The following TRERF1 variants were observed in gnomAD, a reference collection of about 807,000 sequenced individuals.
TRERF1 encodes transcriptional-regulating factor 1.
TRERF1 carries 27 observed loss-of-function variants against 122.9 expected under a neutral mutation model. That is an observed-to-expected ratio of 0.22 (90% CI 0.16 to 0.30). The LOEUF is 0.30. Ranked by LOEUF, TRERF1 falls within the 10% of genes least tolerant of loss-of-function variation. TRERF1 has a pLI of 1.00. For synonymous variants in TRERF1, 636 were observed against 641.7 expected (o/e 0.99, Z 0.13); for missense variants, 1,248 against 1,560.3 (o/e 0.80, Z 3.37).
At chr6:42,279,453 A>C (rs1781893294) in intron 4 of TRERF1, among the ~76,000 whole-genome samples, 1 of 152,190 alleles carries the variant, frequency 6.6e-6, no homozygotes, top group Admixed American at 6.5e-5. Flanking sequence ...GCCCCAGCGA[A>C]AGTGGGAATA....
rs114081636 is a variant in TRERF1, at chr6:42,276,266, G to A, written c.-258-6418C>T. ...ACCAGGAGAGGAAGTTGACTTTGGC[G>A]GAGGTCTCCGCAGGACTTGTTTGCT... On this transcript the variant is annotated intron_variant, in intron 4 of 17. Coordinates refer to ENST00000372922, the Ensembl canonical transcript of TRERF1. This position sits in a 1 kb window ranked among gnomAD's most constrained non-coding sequence, Gnocchi z 4.3. Among the ~76,000 whole-genome samples the A allele has an allele frequency of 6.1e-3, 934 of 152,352 alleles. 7 individuals are homozygous for A. The highest frequency in any genetic ancestry group is 0.022 in the African/African-American group (899 of 41,576).
intron 3 of TRERF1, among the ~76,000 whole-genome samples, chr6:42,301,824 T>C (rs942384): frequency 0.23 from 35,609 of 152,168 alleles, 4,275 homozygotes; most frequent in East Asian, 0.32. Context: ...ATTGCACACC[T>C]TTCCTAAGAT....
At chr6:42,359,046 C>T (rs779382748) in intron 3 of TRERF1, among the ~76,000 whole-genome samples, 9 of 152,182 alleles carry the variant, frequency 5.9e-5, no homozygotes, top group Non-Finnish European at 8.8e-5. Context: ...TCTCCTGCTG[C>T]ACCCTACATG....
chr6:42,269,886 T>G lies in TRERF1; in HGVS notation c.-258-38A>C, dbSNP rs191764332. On this transcript the variant is annotated intron_variant, in intron 4 of 17. Coordinates refer to ENST00000372922, the Ensembl canonical transcript of TRERF1. This position sits in a 1 kb window ranked among gnomAD's most constrained non-coding sequence, Gnocchi z 4.9. ...ATGCAAAAGACAGGAAAGGATTTAT[T>G]TGGATGTTTTGTGATGAGCAATTGA... The G allele has an allele frequency of 2.1e-6, 1 of 475,078 alleles. No homozygotes were observed. Among genetic ancestry groups the G allele is most frequent in the African/African-American group, 2.0e-5 (1 of 50,960 alleles). The allele number at this position is 475,078 out of a possible 1,614,324, so 29.4% of individuals were successfully genotyped here.
chr6:42,343,788 A>T (rs1284151086), intron 3 of TRERF1, among the ~76,000 whole-genome samples: 1 of 152,232 alleles, frequency 6.6e-6, no homozygotes, highest in East Asian at 1.9e-4. Context: ...CAAAGTCAGA[A>T]ATGTAAAACT....
chr6:42,403,697 T>C (rs770154585), intron 2 of TRERF1, among the ~76,000 whole-genome samples: 26 of 152,140 alleles, frequency 1.7e-4, no homozygotes, highest in Non-Finnish European at 4.4e-5. Context: ...GCTGTGCACA[T>C]TGTGTTAAGG....
At chr6:42,266,215 G>T (rs1470476059) in intron 5 of TRERF1, among the ~76,000 whole-genome samples, 5 of 149,368 alleles carry the variant, frequency 3.3e-5, no homozygotes, top group Non-Finnish European at 7.4e-5. Context: ...TTGAGACAGG[G>T]TCTTGCTCTG....
chr6:42,408,130 G>A (rs1011612899), intron 2 of TRERF1, among the ~76,000 whole-genome samples: 7 of 150,940 alleles, frequency 4.6e-5, no homozygotes, highest in African/African-American at 1.7e-4. Context: ...CATCAGTTCT[G>A]TGCTTAACTT....
intron 13 of TRERF1, among the ~76,000 whole-genome samples, chr6:42,247,580 G>A (rs1236423664): frequency 6.6e-6 from 1 of 152,184 alleles, no homozygotes; most frequent in Non-Finnish European, 1.5e-5. Context: ...CAGATTTGCC[G>A]ACCGAAGAGG....
In TRERF1 at chr6:42,240,087, C is replaced by T. The variant is rs575998603; in HGVS notation, c.2859+3161G>A. Reference sequence around the variant, plus strand: ...ACCCATCTTCGAAGCCCAGGCAGTCCGAGACGGTGCCTCTGCCTTGTGTGG... The same window carrying T: ...ACCCATCTTCGAAGCCCAGGCAGTCTGAGACGGTGCCTCTGCCTTGTGTGG... On this transcript the variant is annotated intron_variant, in intron 15 of 17. Transcript: ENST00000372922. Among the ~76,000 whole-genome samples the T allele has an allele frequency of 2.0e-3, 298 of 152,264 alleles. 1 individual carries two copies. The highest frequency in any genetic ancestry group is 6.5e-3 in the African/African-American group (270 of 41,554).
chr6:42,401,108 G>T lies in TRERF1; in HGVS notation c.-453-38029C>A, dbSNP rs770893093. 5.3e-5 allele frequency among the ~76,000 whole-genome samples: 8 copies of T among 152,342 alleles called. No individual in the cohort carries two copies. In the South Asian group the frequency reaches 6.2e-4, roughly 12 times the overall value. On this transcript the variant is annotated intron_variant, in intron 2 of 17. Transcript: ENST00000372922. ...CAATCATTTGAGAAGCCTTTGAAGA[G>T]GAGGGCACAGGCCACAGAGGGTGGG...
intron 3 of TRERF1, among the ~76,000 whole-genome samples, chr6:42,353,529 A>C (rs531854248): frequency 1.1e-3 from 166 of 152,258 alleles, no homozygotes; most frequent in South Asian, 2.3e-3. Flanking sequence ...TGGAGGCTGC[A>C]GTGAACCAAT....
At chr6:42,334,865 G>C (rs1017155152) in intron 3 of TRERF1, among the ~76,000 whole-genome samples, 2 of 152,250 alleles carry the variant, frequency 1.3e-5, no homozygotes, top group African/African-American at 4.8e-5. Flanking sequence ...ATCGGGGACA[G>C]GAATCAGCAC....
intron 2 of TRERF1, among the ~76,000 whole-genome samples, chr6:42,405,742 T>C (rs1216579721): frequency 6.6e-6 from 1 of 150,426 alleles, no homozygotes; most frequent in Non-Finnish European, 1.5e-5. Flanking sequence ...TTGCAGTGAG[T>C]TGCGATCACA....
intron 3 of TRERF1, among the ~76,000 whole-genome samples, chr6:42,305,995 C>CTTTTTTTTTTTTT (rs55700516): frequency 1.0e-4 from 7 of 69,470 alleles, no homozygotes; most frequent in Non-Finnish European, 1.5e-4. Flanking sequence ...AATATCTCTC[C>CTTTTTTTTTTTTT]TTTTTTTTTT....
At position 42,246,353 on chromosome 6, in the gene TRERF1, T is replaced by C. The variant is rs555914826; in HGVS notation, c.2745+103A>G. On this transcript the variant is annotated intron_variant, in intron 14 of 17. Coordinates refer to ENST00000372922, the Ensembl canonical transcript of TRERF1. ...TCACCAGCGAGTGTGGAAGACATCCTTTTTGTAAGTATCTTAAACCAGTAT... is the reference window on the plus strand; with the variant it reads ...TCACCAGCGAGTGTGGAAGACATCCCTTTTGTAAGTATCTTAAACCAGTAT... 1.1e-5 allele frequency: 10 copies of C among 921,814 alleles called. No individual in the cohort carries two copies. The East Asian group carries it at 2.5e-4, about 23-fold the overall frequency. 57.1% of individuals were successfully genotyped at this position (921,814 alleles called of 1,614,324 possible). A position where few individuals can be genotyped will look rare whatever the true frequency, so the allele number is the denominator to read the frequency against.
intron 3 of TRERF1, among the ~76,000 whole-genome samples, chr6:42,316,734 G>A (rs523676): frequency 0.37 from 56,819 of 151,572 alleles, 11,482 homozygotes; most frequent in East Asian, 0.75. Flanking sequence ...CCTTTGTCTT[G>A]GTAATGAAAG....
At chr6:42,255,042 A>G in intron 12 of TRERF1, 116 bp from the exon 13 acceptor site, 2 of 970,544 alleles carry the variant, frequency 2.1e-6, no homozygotes, top group South Asian at 1.3e-5. Flanking sequence ...GGGCGGGGGC[A>G]CTGGAAGGAA....
At chr6:42,320,767 C>T (rs538258722) in intron 3 of TRERF1, among the ~76,000 whole-genome samples, 1 of 152,268 alleles carries the variant, frequency 6.6e-6, no homozygotes, top group East Asian at 1.9e-4. Flanking sequence ...GCCTCGGCCT[C>T]CCAAAGTGCT....
Sources: gnomAD v4.1 joint callset for allele counts (sites outside exome capture counted in the v4.1 genomes callset) on GRCh38, gnomAD v4.1.1 for gene constraint, Gnocchi (gnomAD v3.1) non-coding constraint, MANE v1.5 for transcripts, NCBI Gene and HGNC (gene_info 2026-07-23, HGNC 2026-07-21) for gene names.